Variants in RAB3IP observed in about 807,000 individuals in gnomAD.
The protein encoded by RAB3IP is RAB3A interacting protein, also known as rab-3A-interacting protein.
Under a neutral mutation model 59.1 loss-of-function variants are expected in RAB3IP, and 36 were observed. The ratio of observed to expected loss-of-function variants is 0.61; its 90% CI spans 0.47 to 0.80. The LOEUF (loss-of-function observed/expected upper bound fraction) is 0.80, where lower values mean the gene tolerates loss of function less well. RAB3IP is among the 30% of genes least tolerant of loss of function. The probability of loss-of-function intolerance (pLI) is 0.00; values close to 1 mark genes in which losing one functional copy is unlikely to be tolerated. For synonymous variants in RAB3IP, 207 were observed against 191.2 expected, an observed-to-expected ratio of 1.08 and a Z score of -0.68; for missense variants, 511 against 536.0, an observed-to-expected ratio of 0.95 and a Z score of 0.46.
chr12:69,763,463 T>C (rs979779063), intron 3 of RAB3IP, among the ~76,000 whole-genome samples: 2 of 152,246 alleles, frequency 1.3e-5, no homozygotes, highest in South Asian at 2.1e-4. Context: ...AGTCCACTTT[T>C]GCTTTGACTG....
At chr12:69,757,514 T>A (rs1870419729) in intron 3 of RAB3IP, among the ~76,000 whole-genome samples, 1 of 152,102 alleles carries the variant, frequency 6.6e-6, no homozygotes, top group Non-Finnish European at 1.5e-5. Flanking sequence ...GAGACTCATA[T>A]CAAAAGTATA....
In RAB3IP at chr12:69,760,366, C is replaced by T. The variant is rs112427532; in HGVS notation, c.510+3703C>T. 2.3e-3 allele frequency among the ~76,000 whole-genome samples: 348 copies of T among 152,238 alleles called. 1 individual carries two copies. The highest frequency in any genetic ancestry group is 7.4e-3 in the African/African-American group (306 of 41,546). On this transcript the variant is annotated intron_variant, in intron 3 of 10. Transcript: ENST00000247833. Reference sequence around the variant, plus strand: ...CTTTGGCTCGGCATCAGAGGGAGACCGTGGAAAGAGAGGGCGAGGGAGACC... The same window carrying T: ...CTTTGGCTCGGCATCAGAGGGAGACTGTGGAAAGAGAGGGCGAGGGAGACC...
chr12:69,748,428 G>A (rs1303818974), intron 1 of RAB3IP, among the ~76,000 whole-genome samples: 1 of 152,156 alleles, frequency 6.6e-6, no homozygotes, highest in East Asian at 1.9e-4. Flanking sequence ...GAAATTCTTA[G>A]CACCACTATC....
At chr12:69,799,903 A>G (rs1878108395) in intron 6 of RAB3IP, among the ~76,000 whole-genome samples, 1 of 152,158 alleles carries the variant, frequency 6.6e-6, no homozygotes, top group Non-Finnish European at 1.5e-5. Context: ...GCTCAGAGTG[A>G]GGATAATAGT....
chr12:69,771,648 T>C (rs1322766013), intron 3 of RAB3IP, among the ~76,000 whole-genome samples: 4 of 152,250 alleles, frequency 2.6e-5, no homozygotes, highest in Non-Finnish European at 5.9e-5. Flanking sequence ...CTGATTTACT[T>C]TTCTGTGAAT....
At chr12:69,771,844 G>A (rs1463329123) in intron 3 of RAB3IP, among the ~76,000 whole-genome samples, 1 of 152,078 alleles carries the variant, frequency 6.6e-6, no homozygotes, top group Non-Finnish European at 1.5e-5. Flanking sequence ...TTCTAAGTGG[G>A]TTGAGATGAT....
chr12:69,800,754 C>T (rs1218493560), intron 7 of RAB3IP, among the ~76,000 whole-genome samples: 1 of 151,960 alleles, frequency 6.6e-6, no homozygotes, highest in African/African-American at 2.4e-5. Flanking sequence ...TTTGCCTGTG[C>T]CACAGGATTG....
chr12:69,759,980 C>T (rs1434004118), intron 3 of RAB3IP, among the ~76,000 whole-genome samples: 3 of 150,508 alleles, frequency 2.0e-5, no homozygotes, highest in South Asian at 2.1e-4. Context: ...GACGGGGTGG[C>T]GGCCGGGCAG....
At chr12:69,757,457 A>G (rs768351105) in intron 3 of RAB3IP, among the ~76,000 whole-genome samples, 2 of 152,248 alleles carry the variant, frequency 1.3e-5, no homozygotes, top group Non-Finnish European at 2.9e-5. Context: ...ACTGACAAAA[A>G]GAAGACAGAT....
intron 4 of RAB3IP, among the ~76,000 whole-genome samples, chr12:69,792,304 C>CA (rs201922857): frequency 8.9e-4 from 134 of 151,166 alleles, no homozygotes; most frequent in African/African-American, 3.2e-3. Context: ...ACCTCCCCTC[C>CA]AAAAAAAAGG....
At chr12:69,811,218 A>G (rs1238852912) in intron 8 of RAB3IP, among the ~76,000 whole-genome samples, 2 of 152,272 alleles carry the variant, frequency 1.3e-5, no homozygotes, top group Non-Finnish European at 2.9e-5. Flanking sequence ...AACAACACAC[A>G]CTGCCGCTTG....
chr12:69,814,278 G>GT (rs1351801809), intron 10 of RAB3IP, among the ~76,000 whole-genome samples: 2 of 152,166 alleles, frequency 1.3e-5, no homozygotes, highest in Non-Finnish European at 2.9e-5. Flanking sequence ...AGTGTTACGA[G>GT]TAATGAATGG....
At chr12:69,739,846 T>TA in intron 1 of RAB3IP, 4 of 1,614,032 alleles carry the variant, frequency 2.5e-6, no homozygotes, top group South Asian at 1.1e-5. Context: ...TGCCGGTTGT[T>TA]ATGGGATTAA....
rs550653295 is a variant in RAB3IP at position 69,806,797 on chromosome 12, C to T, written c.1130+5076C>T. Among the ~76,000 whole-genome samples the T allele has an allele frequency of 3.3e-5, 5 of 152,070 alleles. No individual in the cohort carries two copies. The East Asian group carries it at 9.7e-4, about 29-fold the overall frequency. ...GTGATGACTCTTAATGAGCATGCAG[C>T]CTTTAAGCATCTGTTTAACAAAGCA... On this transcript the variant is annotated intron_variant, in intron 8 of 10. Transcript: ENST00000247833.
chr12:69,800,423 T>C, intron 7 of RAB3IP, 86 bp downstream of exon 7: 1 of 756,454 alleles, frequency 1.3e-6, no homozygotes. Context: ...TTTTAATATC[T>C]CTTACATAAA....
At chr12:69,785,243 A>T (rs1875449639) in intron 4 of RAB3IP, among the ~76,000 whole-genome samples, 2 of 152,194 alleles carry the variant, frequency 1.3e-5, no homozygotes, top group Admixed American at 1.3e-4. Flanking sequence ...CCAGCCCGCC[A>T]CCAGGAAAAA....
chr12:69,785,446 T>C (rs1388337031), intron 4 of RAB3IP, among the ~76,000 whole-genome samples: 1 of 152,084 alleles, frequency 6.6e-6, no homozygotes. Context: ...CTCTTGCTGT[T>C]ATGGAGGCTG....
At chr12:69,762,208 T>G (rs1565883520) in intron 3 of RAB3IP, among the ~76,000 whole-genome samples, 1 of 152,186 alleles carries the variant, frequency 6.6e-6, no homozygotes, top group Non-Finnish European at 1.5e-5. Context: ...TGCCAGAGAT[T>G]ATGATGTAGT....
intron 4 of RAB3IP, among the ~76,000 whole-genome samples, chr12:69,788,527 A>G (rs1252752273): frequency 6.6e-6 from 1 of 152,148 alleles, no homozygotes. Context: ...ATGACTGTAT[A>G]TATGCATCCA....
Sources: allele counts gnomAD v4.1 joint callset (sites outside exome capture counted in the v4.1 genomes callset), GRCh38; gene constraint gnomAD v4.1.1; transcripts MANE v1.5; gene names NCBI Gene and HGNC (gene_info 2026-07-23, HGNC 2026-07-21).